The following BLTP3A variants were observed in gnomAD, a reference collection of about 807,000 sequenced individuals.
BLTP3A encodes ICBP90 binding protein 1.
chr6:34,833,557 A>G, the BLTP3A span, among the ~76,000 whole-genome samples: 18,953 of 152,016 alleles, frequency 0.12, 1,319 homozygotes, highest in African/African-American at 0.17. Flanking sequence ...AGATTTATCA[A>G]TTTATTCTTT....
the BLTP3A span, among the ~76,000 whole-genome samples, chr6:34,840,534 C>T: frequency 6.6e-6 from 1 of 150,828 alleles, no homozygotes; most frequent in Non-Finnish European, 1.5e-5. Flanking sequence ...CCATTGCACT[C>T]CAGCCTGGGG....
the BLTP3A span, chr6:34,859,003 C>T: frequency 1.2e-6 from 2 of 1,614,064 alleles, no homozygotes; most frequent in African/African-American, 2.7e-5. Context: ...AGTGGCTCTG[C>T]TTATGCATCC....
the BLTP3A span, among the ~76,000 whole-genome samples, chr6:34,795,358 G>GT: frequency 6.6e-6 from 1 of 151,818 alleles, no homozygotes; most frequent in African/African-American, 2.4e-5. Context: ...GATTACAGGG[G>GT]TGAGCCACTG....
chr6:34,849,767 GAAAT>G, the BLTP3A span, among the ~76,000 whole-genome samples: 2 of 152,260 alleles, frequency 1.3e-5, no homozygotes, highest in African/African-American at 4.8e-5. Flanking sequence ...TGGTGTTGAT[GAAAT>G]CCAGTTTGTT....
the BLTP3A span, among the ~76,000 whole-genome samples, chr6:34,824,696 G>T: frequency 1.3e-5 from 2 of 151,198 alleles, no homozygotes; most frequent in Admixed American, 6.6e-5. Flanking sequence ...TTTGAGACAG[G>T]GTCTCGCTCT....
the BLTP3A span, among the ~76,000 whole-genome samples, chr6:34,844,067 G>A: frequency 6.6e-6 from 1 of 151,632 alleles, no homozygotes; most frequent in East Asian, 1.9e-4. Flanking sequence ...TGCAAGCTCC[G>A]CCTCCCAGGT....
At chr6:34,848,327 C>T in the BLTP3A span, among the ~76,000 whole-genome samples, 17 of 151,662 alleles carry the variant, frequency 1.1e-4, no homozygotes, top group Admixed American at 4.6e-4. Flanking sequence ...CAATCAGGGC[C>T]GGGTGCGGTC....
chr6:34,810,207 C>T, the BLTP3A span, among the ~76,000 whole-genome samples: 1 of 152,190 alleles, frequency 6.6e-6, no homozygotes, highest in African/African-American at 2.4e-5. Flanking sequence ...TTTCCAGCAT[C>T]ATTAGTGGCA....
At chr6:34,837,523 A>G in the BLTP3A span, among the ~76,000 whole-genome samples, 1 of 151,982 alleles carries the variant, frequency 6.6e-6, no homozygotes, top group East Asian at 1.9e-4. Context: ...ATCTCTTAAA[A>G]AAAAATTAGC....
chr6:34,806,227 C>T, the BLTP3A span, among the ~76,000 whole-genome samples: 475 of 152,306 alleles, frequency 3.1e-3, 3 homozygotes, highest in Non-Finnish European at 5.3e-3. Context: ...TTATGTTTGA[C>T]GTAGACTAAA....
the BLTP3A span, chr6:34,836,284 C>A: frequency 3.1e-6 from 5 of 1,614,068 alleles, no homozygotes; most frequent in Non-Finnish European, 4.2e-6. Flanking sequence ...AAGAGTCCTC[C>A]TACCATCTGC....
the BLTP3A span, among the ~76,000 whole-genome samples, chr6:34,799,206 T>C: frequency 6.6e-6 from 1 of 152,204 alleles, no homozygotes; most frequent in African/African-American, 2.4e-5. Flanking sequence ...CCTCCCAAAG[T>C]GCTGGAATTA....
chr6:34,857,890 C>A, the BLTP3A span: 6 of 1,613,794 alleles, frequency 3.7e-6, no homozygotes, highest in South Asian at 6.6e-5. Context: ...AACACTTGGA[C>A]ATCCGACTAG....
At chr6:34,830,654 T>G in the BLTP3A span, among the ~76,000 whole-genome samples, 2 of 152,078 alleles carry the variant, frequency 1.3e-5, no homozygotes, top group Non-Finnish European at 2.9e-5. Flanking sequence ...GCATATAAGT[T>G]GAAAATATGT....
the BLTP3A span, among the ~76,000 whole-genome samples, chr6:34,826,399 C>T: frequency 6.7e-6 from 1 of 149,880 alleles, no homozygotes; most frequent in Non-Finnish European, 1.5e-5. Context: ...TGCTTTGTCA[C>T]CCAGGCTGGA....
At chr6:34,863,593 T>C in the BLTP3A span, among the ~76,000 whole-genome samples, 1 of 152,118 alleles carries the variant, frequency 6.6e-6, no homozygotes. Context: ...AATTTATCCG[T>C]CTCCCACTCC....
chr6:34,820,998 C>T, the BLTP3A span, among the ~76,000 whole-genome samples: 1 of 148,928 alleles, frequency 6.7e-6, no homozygotes, highest in East Asian at 2.0e-4. Context: ...CTCTTGTTGC[C>T]CAGGCTGGAG....
the BLTP3A span, chr6:34,864,299 T>A: frequency 8.6e-7 from 1 of 1,159,676 alleles, no homozygotes. Flanking sequence ...TGAGAGATGA[T>A]AATATAGACA....
the BLTP3A span, among the ~76,000 whole-genome samples, chr6:34,824,521 G>A: frequency 6.4e-5 from 9 of 141,386 alleles, no homozygotes; most frequent in Non-Finnish European, 1.4e-4. Context: ...TCGCGCCATT[G>A]CACTCCAGCT....
Sources: gnomAD v4.1 joint callset for allele counts (sites outside exome capture counted in the v4.1 genomes callset) on GRCh38, gnomAD v4.1.1 for gene constraint, MANE v1.5 for transcripts, NCBI Gene and HGNC (gene_info 2026-07-23, HGNC 2026-07-21) for gene names.